Variants in RBPJ observed in about 807,000 individuals in gnomAD.
RBPJ encodes the protein recombining binding protein suppressor of hairless.
A neutral mutation model predicts 67.8 loss-of-function variants in RBPJ; 9 were observed. The ratio of observed to expected loss-of-function variants is 0.13; its 90% CI spans 0.08 to 0.23. The LOEUF (loss-of-function observed/expected upper bound fraction) is 0.23, where lower values mean the gene tolerates loss of function less well. Among genes scored for constraint, RBPJ ranks in the 10% least tolerant of loss-of-function variants. The pLI is 1.00. For missense variants in RBPJ, 305 were observed against 595.6 expected (o/e 0.51, Z 5.08); for synonymous variants, 198 against 203.3 (o/e 0.97, Z 0.22).
At chr4:26,239,976 T>C (rs377258288) in intron 1 of RBPJ, among the ~76,000 whole-genome samples, 118 of 152,342 alleles carry the variant, frequency 7.7e-4, no homozygotes, top group African/African-American at 2.8e-3. Context: ...AATAAGATCC[T>C]GTTAGCAGAA....
At chr4:26,343,234 C>T (rs1725734663) in intron 1 of RBPJ, 1 of 152,298 alleles carries the variant, frequency 6.6e-6, no homozygotes, top group Non-Finnish European at 1.5e-5. Flanking sequence ...GTAATCTTTA[C>T]TTCTTATGAC....
chr4:26,258,257 A>G (rs771687972), intron 1 of RBPJ, among the ~76,000 whole-genome samples: 1 of 152,148 alleles, frequency 6.6e-6, no homozygotes, highest in Non-Finnish European at 1.5e-5. Flanking sequence ...CTCACTACCA[A>G]TTGACTTTTT....
intron 7 of RBPJ, among the ~76,000 whole-genome samples, chr4:26,425,309 C>T (rs983566475): frequency 2.0e-5 from 3 of 152,124 alleles, no homozygotes; most frequent in East Asian, 3.9e-4. Context: ...AACTCGGCCA[C>T]GCATGGTGAC....
chr4:26,187,148 G>A (rs1560202353), intron 1 of RBPJ, among the ~76,000 whole-genome samples: 1 of 152,160 alleles, frequency 6.6e-6, no homozygotes, highest in Non-Finnish European at 1.5e-5. Context: ...CTTGAGCCCG[G>A]GAAGTGGAGG....
At chr4:26,154,309 A>G in the RBPJ span, among the ~76,000 whole-genome samples, 842 of 152,346 alleles carry the variant, frequency 5.5e-3, 10 homozygotes, top group African/African-American at 0.018. Flanking sequence ...GATAAATAAG[A>G]TAATGATGGT....
At chr4:26,320,862 C>G (rs769281558), upstream of RBPJ, 9 of 1,570,362 alleles carry the variant, frequency 5.7e-6, no homozygotes, top group Middle Eastern at 1.8e-4. Context: ...ACTCTGCGGG[C>G]GGCGCGAGGC....
At chr4:26,362,550 T>C in intron 1 of RBPJ, 1 of 1,607,146 alleles carries the variant, frequency 6.2e-7, no homozygotes, top group South Asian at 1.1e-5. Context: ...CTGGCTGAGG[T>C]GTTTTGAGGT....
chr4:26,142,092 T>A, the RBPJ span, among the ~76,000 whole-genome samples: 3 of 152,256 alleles, frequency 2.0e-5, no homozygotes, highest in Non-Finnish European at 2.9e-5. Context: ...GAAGGGAAAC[T>A]TCCCCCTTCA....
chr4:26,366,996 C>A lies in RBPJ; in HGVS notation c.21-19357C>A, dbSNP rs533761391. Among the ~76,000 whole-genome samples the A allele has an allele frequency of 2.3e-3, 346 of 151,730 alleles. 2 individuals are homozygous for A. Among genetic ancestry groups the A allele is most frequent in the African/African-American group, 7.9e-3 (327 of 41,422 alleles). ...AAAATTAGCCAGGCATGGTGGCAGG[C>A]GCCTGTAATCCCAGCTACTCGGGAG... On this transcript the variant is annotated intron_variant, in intron 1 of 10. Coordinates refer to ENST00000355476, the MANE Select transcript of RBPJ (RefSeq NM_015874.6).
chr4:26,396,073 C>A (rs2109689438), intron 2 of RBPJ, among the ~76,000 whole-genome samples: 1 of 152,318 alleles, frequency 6.6e-6, no homozygotes, highest in Admixed American at 6.5e-5. Flanking sequence ...CTTTGCATGA[C>A]AGGTAAAATA....
In RBPJ at chr4:26,430,709, T is replaced by C; in HGVS notation, c.1166T>C (p.Leu389Pro). ...ETMYRCGESM[L>P]CVVPDISAFR... ...CTCCTCAGGTGTGGAGAGAGTATGC[T>C]CTGTGTCGTCCCAGACATTTCTGCA... is the stretch of plus-strand genomic sequence containing the variant. The change falls in exon 11 of 11, where the codon CTC becomes CCC. Residue 389 changes from leucine to proline, a missense_variant. Physicochemically the swap from Leu to Pro is moderately conservative, Grantham distance 98. Coordinates refer to ENST00000355476, the MANE Select transcript of RBPJ (RefSeq NM_015874.6). The surrounding 1 kb of genome is among the most constrained non-coding windows in gnomAD (Gnocchi z 4.1). The C allele has an allele frequency of 6.2e-7, 1 of 1,614,146 alleles. No individual in the cohort carries two copies. The highest frequency in any genetic ancestry group is 8.5e-7 in the Non-Finnish European group (1 of 1,180,016).
At chr4:26,277,087 C>CA (rs1044005660) in intron 1 of RBPJ, among the ~76,000 whole-genome samples, 61 of 149,858 alleles carry the variant, frequency 4.1e-4, no homozygotes, top group African/African-American at 1.5e-3. Context: ...GGGGACCAGC[C>CA]TGGGCAACAT....
intron 1 of RBPJ, among the ~76,000 whole-genome samples, chr4:26,265,102 T>C (rs1720659977): frequency 6.6e-6 from 1 of 152,140 alleles, no homozygotes; most frequent in East Asian, 1.9e-4. Flanking sequence ...CAGACAATAG[T>C]TTGTCAATAA....
At chr4:26,222,807 A>C (rs1248570645) in intron 1 of RBPJ, among the ~76,000 whole-genome samples, 1 of 152,038 alleles carries the variant, frequency 6.6e-6, no homozygotes, top group Non-Finnish European at 1.5e-5. Flanking sequence ...AAGCGGTTTT[A>C]CAGTGCATAA....
intron 1 of RBPJ, among the ~76,000 whole-genome samples, chr4:26,181,067 C>T (rs28461328): frequency 0.12 from 17,770 of 152,228 alleles, 2,361 homozygotes; most frequent in African/African-American, 0.33. Context: ...TCTGCCATGA[C>T]TGTGAGGCCT....
rs1261196216 is a variant in RBPJ, at chr4:26,433,748, A to T, written c.*2741A>T. ...TCAGTAGTTCTTTTGTCAGCTGCTT[A>T]CATTTTTTCTTTCATGGTTTTGTGA... is the stretch of plus-strand genomic sequence containing the variant. On this transcript the variant is annotated 3_prime_UTR_variant, in exon 11 of 11. Transcript: ENST00000355476. 2 of 152,126 alleles carry T rather than the reference A, an allele frequency of 1.3e-5. No homozygotes were observed. The highest frequency in any genetic ancestry group is 2.9e-5 in the Non-Finnish European group (2 of 67,996). 9.4% of individuals were successfully genotyped at this position (152,126 alleles called of 1,614,324 possible). A position where few individuals can be genotyped will look rare whatever the true frequency, so the allele number is the denominator to read the frequency against.
intron 1 of RBPJ, among the ~76,000 whole-genome samples, chr4:26,210,662 T>TTGTC (rs1718353698): frequency 3.3e-5 from 1 of 30,010 alleles, no homozygotes; most frequent in Admixed American, 2.5e-4. Context: ...TTTCTTTCTT[T>TTGTC]TTTCTTTCTT....
At chr4:26,215,355 G>A (rs1399626734) in intron 1 of RBPJ, among the ~76,000 whole-genome samples, 32 of 91,578 alleles carry the variant, frequency 3.5e-4, no homozygotes, top group East Asian at 1.7e-3. Context: ...AAGAAAAAAA[G>A]AAGGAAGGAA....
the RBPJ span, among the ~76,000 whole-genome samples, chr4:26,125,308 C>G: frequency 2.8e-3 from 423 of 152,316 alleles, no homozygotes; most frequent in African/African-American, 9.5e-3. Flanking sequence ...CTCTCCACCA[C>G]ACATACTTTT....
Sources: gnomAD v4.1 joint callset for allele counts (sites outside exome capture counted in the v4.1 genomes callset) on GRCh38, gnomAD v4.1.1 for gene constraint, Gnocchi (gnomAD v3.1) non-coding constraint, MANE v1.5 for transcripts, NCBI Gene and HGNC (gene_info 2026-07-23, HGNC 2026-07-21) for gene names.